Variants in PCDH15 observed in about 807,000 individuals in gnomAD.
The protein encoded by PCDH15 is protocadherin related 15.
Under a neutral mutation model 178.5 loss-of-function variants are expected in PCDH15, and 129 were observed. The ratio of observed to expected loss-of-function variants is 0.72; its 90% CI spans 0.63 to 0.84. The LOEUF is 0.84. Ranked by LOEUF, PCDH15 falls within the 40% of genes least tolerant of loss-of-function variation. PCDH15 has a pLI of 0.00. For synonymous variants in PCDH15, 800 were observed against 732.0 expected, an observed-to-expected ratio of 1.09 and a Z score of -1.50; for missense variants, 2,230 against 2,099.9, an observed-to-expected ratio of 1.06 and a Z score of -1.21.
intron 3 of PCDH15, among the ~76,000 whole-genome samples, chr10:54,521,396 C>T (rs911195054): frequency 6.6e-6 from 1 of 152,062 alleles, no homozygotes; most frequent in Non-Finnish European, 1.5e-5. Context: ...AATGCTCACT[C>T]CTTGCCTGTC....
chr10:54,099,190 GA>G (rs1426085628), intron 15 of PCDH15, among the ~76,000 whole-genome samples: 11 of 152,088 alleles, frequency 7.2e-5, no homozygotes, highest in Admixed American at 7.2e-4. Context: ...GAAGTAGACA[GA>G]AAGTGCACCT....
At chr10:53,881,661 AT>A (rs1324257765) in intron 26 of PCDH15, among the ~76,000 whole-genome samples, 6 of 152,196 alleles carry the variant, frequency 3.9e-5, no homozygotes, top group Non-Finnish European at 8.8e-5. Flanking sequence ...ATGTATTTAT[AT>A]TCTTAAGAAT....
rs1372833831 is a variant in PCDH15 at position 53,806,019 on chromosome 10, G to GAAAGA, written c.*555_*559dup. The GAAAGA allele has an allele frequency of 6.6e-6, 1 of 150,540 alleles. No individual in the cohort carries two copies. The highest frequency in any genetic ancestry group is 2.5e-5 in the African/African-American group (1 of 40,296). 9.3% of individuals were successfully genotyped at this position (150,540 alleles called of 1,614,324 possible). On this transcript the variant is annotated 3_prime_UTR_variant, in exon 38 of 38. Transcript: ENST00000644397. ...GAAAACCTTTATACAGGACAATAAA[G>GAAAGA]AAAGAAAACAAGCTCATGATTTAAA...
At chr10:54,307,769 G>A (rs1045523199) in intron 8 of PCDH15, among the ~76,000 whole-genome samples, 1 of 151,974 alleles carries the variant, frequency 6.6e-6, no homozygotes, top group Admixed American at 6.6e-5. Flanking sequence ...ATTAGAAGTA[G>A]TGCAATCAGA....
At chr10:55,422,081 T>A (rs894105640) in intron 2 of PCDH15, among the ~76,000 whole-genome samples, 1 of 151,724 alleles carries the variant, frequency 6.6e-6, no homozygotes, top group Non-Finnish European at 1.5e-5. Context: ...TATGCATTAC[T>A]CCAAAAACAA....
At chr10:54,696,167 G>A (rs2095220368) in intron 1 of PCDH15, among the ~76,000 whole-genome samples, 1 of 151,938 alleles carries the variant, frequency 6.6e-6, no homozygotes, top group Admixed American at 6.6e-5. Flanking sequence ...AATTATAGGA[G>A]GAGATCAAAT....
At chr10:55,109,771 T>C (rs931631964) in intron 2 of PCDH15, among the ~76,000 whole-genome samples, 2 of 152,076 alleles carry the variant, frequency 1.3e-5, no homozygotes, top group Admixed American at 6.5e-5. Flanking sequence ...GGGGAAATAA[T>C]TGTTTCCAAA....
At chr10:54,430,543 C>A (rs1368329690) in intron 3 of PCDH15, among the ~76,000 whole-genome samples, 14 of 151,916 alleles carry the variant, frequency 9.2e-5, no homozygotes, top group Non-Finnish European at 1.3e-4. Context: ...TCTTGAATGA[C>A]CATCCAGTGT....
At chr10:54,156,725 A>T (rs1012014974) in intron 13 of PCDH15, among the ~76,000 whole-genome samples, 3 of 152,146 alleles carry the variant, frequency 2.0e-5, no homozygotes, top group Non-Finnish European at 2.9e-5. Context: ...TTCAGCATTA[A>T]CTCAAAAGTC....
chr10:54,680,127 G>A (rs1172802718), intron 1 of PCDH15, among the ~76,000 whole-genome samples: 1 of 152,148 alleles, frequency 6.6e-6, no homozygotes, highest in African/African-American at 2.4e-5. Context: ...GGATAAAAGG[G>A]ATGAGTTATC....
intron 2 of PCDH15, among the ~76,000 whole-genome samples, chr10:55,394,180 T>G (rs1001269789): frequency 2.0e-5 from 3 of 151,830 alleles, no homozygotes; most frequent in African/African-American, 7.3e-5. Context: ...CATGTTGACT[T>G]CTTTGGACAA....
chr10:54,973,245 A>C (rs967695699), intron 2 of PCDH15, among the ~76,000 whole-genome samples: 2 of 152,190 alleles, frequency 1.3e-5, no homozygotes, highest in Non-Finnish European at 2.9e-5. Flanking sequence ...GCTATGCAAA[A>C]GGCTGTGTGC....
intron 18 of PCDH15, among the ~76,000 whole-genome samples, chr10:54,027,369 A>G (rs910417419): frequency 1.6e-4 from 25 of 152,020 alleles, no homozygotes; most frequent in African/African-American, 5.3e-4. Flanking sequence ...TACTGCCCAA[A>G]GTAATTTACA....
intron 2 of PCDH15, among the ~76,000 whole-genome samples, chr10:55,104,961 C>T (rs778447084): frequency 2.6e-5 from 4 of 152,156 alleles, no homozygotes; most frequent in Non-Finnish European, 4.4e-5. Flanking sequence ...TAAGCAGATA[C>T]GCACAGCACT....
intron 2 of PCDH15, among the ~76,000 whole-genome samples, chr10:55,458,771 T>A (rs1839607406): frequency 6.6e-6 from 1 of 152,026 alleles, no homozygotes; most frequent in Non-Finnish European, 1.5e-5. Context: ...ATAAAATTCT[T>A]CATTCATTAA....
intron 1 of PCDH15, among the ~76,000 whole-genome samples, chr10:55,285,878 C>T (rs1842857700): frequency 6.6e-6 from 1 of 151,926 alleles, no homozygotes; most frequent in Non-Finnish European, 1.5e-5. Flanking sequence ...CTAGCTGTGC[C>T]AAGCAGCTTC....
At chr10:54,069,904 A>G (rs943021634) in intron 17 of PCDH15, among the ~76,000 whole-genome samples, 9 of 152,174 alleles carry the variant, frequency 5.9e-5, no homozygotes, top group Non-Finnish European at 1.3e-4. Context: ...TTAATTTTAA[A>G]TATGAATATA....
chr10:55,254,961 T>A (rs994434496), intron 1 of PCDH15, among the ~76,000 whole-genome samples: 3 of 152,130 alleles, frequency 2.0e-5, no homozygotes, highest in African/African-American at 7.2e-5. Context: ...TTCTTTTTTT[T>A]TTTATTATAC....
intron 1 of PCDH15, among the ~76,000 whole-genome samples, chr10:55,167,304 C>T (rs778558906): frequency 6.6e-6 from 1 of 151,860 alleles, no homozygotes; most frequent in Admixed American, 6.6e-5. Context: ...TGTACAGTTT[C>T]GTAGTTTTGC....
Sources: allele counts gnomAD v4.1 joint callset (sites outside exome capture counted in the v4.1 genomes callset), GRCh38; gene constraint gnomAD v4.1.1; transcripts MANE v1.5; gene names NCBI Gene and HGNC (gene_info 2026-07-23, HGNC 2026-07-21).